MARCHF11: variants seen among roughly 807,000 people sequenced by gnomAD.
MARCHF11 encodes membrane associated ring-CH-type finger 11, also known as E3 ubiquitin-protein ligase MARCHF11.
MARCHF11 carries 29 observed loss-of-function variants against 37.3 expected under a neutral mutation model. The observed-to-expected ratio is 0.78, with a 90% CI of 0.58 to 1.06. The LOEUF is 1.06. Among genes scored for constraint, MARCHF11 ranks in the 50% least tolerant of loss-of-function variants. MARCHF11 has a pLI of 0.00. For synonymous variants in MARCHF11, 233 were observed against 228.0 expected, an observed-to-expected ratio of 1.02 and a Z score of -0.20; for missense variants, 482 against 533.4, an observed-to-expected ratio of 0.90 and a Z score of 0.95.
chr5:16,104,629 G>A (rs1335295733), intron 2 of MARCHF11, among the ~76,000 whole-genome samples: 1 of 151,340 alleles, frequency 6.6e-6, no homozygotes, highest in East Asian at 1.9e-4. Context: ...AGTAAATCTA[G>A]CTCCTGGCAT....
At chr5:16,079,133 T>C (rs1736566275) in intron 3 of MARCHF11, among the ~76,000 whole-genome samples, 1 of 152,172 alleles carries the variant, frequency 6.6e-6, no homozygotes, top group Non-Finnish European at 1.5e-5. Flanking sequence ...TGTGGATGGC[T>C]TGGCCTAACA....
At chr5:16,111,169 T>A (rs1004154891) in intron 2 of MARCHF11, among the ~76,000 whole-genome samples, 1 of 151,836 alleles carries the variant, frequency 6.6e-6, no homozygotes, top group African/African-American at 2.4e-5. Flanking sequence ...ACTGGTAGAG[T>A]GGGGTGCTGC....
chr5:16,148,802 G>A (rs1418232828), intron 2 of MARCHF11, among the ~76,000 whole-genome samples: 1 of 152,130 alleles, frequency 6.6e-6, no homozygotes, highest in East Asian at 1.9e-4. Context: ...GAGACTAACA[G>A]AAAGAGAAAG....
intron 2 of MARCHF11, among the ~76,000 whole-genome samples, chr5:16,091,965 C>T (rs150068611): frequency 2.8e-4 from 42 of 152,276 alleles, no homozygotes; most frequent in East Asian, 2.3e-3. Flanking sequence ...TCAAAACAAC[C>T]CGCATAATTT....
intron 3 of MARCHF11, among the ~76,000 whole-genome samples, chr5:16,071,157 T>C (rs1029738270): frequency 1.3e-5 from 2 of 152,222 alleles, no homozygotes; most frequent in Non-Finnish European, 2.9e-5. Flanking sequence ...TCAGTTCATA[T>C]GCGAACAGGC....
chr5:16,107,644 C>T (rs554151695), intron 2 of MARCHF11, among the ~76,000 whole-genome samples: 4 of 152,192 alleles, frequency 2.6e-5, no homozygotes, highest in Non-Finnish European at 4.4e-5. Flanking sequence ...TAAGTGACAA[C>T]AGGCATTCTT....
chr5:16,070,587 A>G (rs1736418869), intron 3 of MARCHF11, among the ~76,000 whole-genome samples: 1 of 152,214 alleles, frequency 6.6e-6, no homozygotes, highest in Non-Finnish European at 1.5e-5. Flanking sequence ...TTGCAAGGCC[A>G]GAAATCAGAT....
intron 3 of MARCHF11, among the ~76,000 whole-genome samples, chr5:16,083,097 T>A (rs952057331): frequency 6.6e-6 from 1 of 152,350 alleles, no homozygotes; most frequent in Non-Finnish European, 1.5e-5. Flanking sequence ...AGTCTTTTGA[T>A]GAAAATTGAT....
chr5:16,112,464 G>T (rs1202023708), intron 2 of MARCHF11, among the ~76,000 whole-genome samples: 3 of 152,150 alleles, frequency 2.0e-5, no homozygotes, highest in South Asian at 2.1e-4. Flanking sequence ...GGGGTCTGTA[G>T]CCCCTTTGTT....
intron 2 of MARCHF11, chr5:16,141,697 TTTAAAATCCA>T (rs1248106912): frequency 6.6e-6 from 1 of 152,216 alleles, no homozygotes; most frequent in Non-Finnish European, 1.5e-5. Flanking sequence ...AATTGTTGTT[TTTAAAATCCA>T]ATAAAATCTA....
chr5:16,096,867 G>A (rs1177449451), intron 2 of MARCHF11, among the ~76,000 whole-genome samples: 1 of 152,150 alleles, frequency 6.6e-6, no homozygotes, highest in East Asian at 1.9e-4. Context: ...CTCAATTTAG[G>A]AACCAATTTC....
intron 2 of MARCHF11, among the ~76,000 whole-genome samples, chr5:16,134,998 TCACA>T (rs1553996992): frequency 4.6e-4 from 66 of 143,788 alleles, no homozygotes; most frequent in Non-Finnish European, 5.2e-4. Context: ...TCTCTCTCTC[TCACA>T]CACACACACA....
chr5:16,175,448 G>A (rs1010016894), intron 2 of MARCHF11, among the ~76,000 whole-genome samples: 4 of 152,110 alleles, frequency 2.6e-5, no homozygotes, highest in African/African-American at 7.2e-5. Flanking sequence ...CCAACAGGGC[G>A]GCTAAGACAG....
At chr5:16,168,337 T>C (rs188299299) in intron 2 of MARCHF11, among the ~76,000 whole-genome samples, 1 of 152,198 alleles carries the variant, frequency 6.6e-6, no homozygotes, top group African/African-American at 2.4e-5. Flanking sequence ...TTTCACCCCA[T>C]AGCTTAGGAA....
At chr5:16,163,737 C>T (rs983598275) in intron 2 of MARCHF11, among the ~76,000 whole-genome samples, 3 of 151,870 alleles carry the variant, frequency 2.0e-5, no homozygotes, top group Non-Finnish European at 4.4e-5. Context: ...TGATGATGTC[C>T]CCTCTAAAAT....
At chr5:16,178,465 G>T (rs553450818) in intron 1 of MARCHF11, among the ~76,000 whole-genome samples, 1 of 152,238 alleles carries the variant, frequency 6.6e-6, no homozygotes, top group South Asian at 2.1e-4. Flanking sequence ...CACCTACAAT[G>T]GTGTTTATAA....
intron 2 of MARCHF11, among the ~76,000 whole-genome samples, chr5:16,114,833 T>C (rs1327572541): frequency 6.6e-6 from 1 of 152,030 alleles, no homozygotes; most frequent in Non-Finnish European, 1.5e-5. Context: ...CTACCATAAT[T>C]ATTAATATAG....
intron 2 of MARCHF11, among the ~76,000 whole-genome samples, chr5:16,116,925 A>G (rs968974953): frequency 6.6e-6 from 1 of 152,234 alleles, no homozygotes; most frequent in African/African-American, 2.4e-5. Flanking sequence ...ACTCAAAGAG[A>G]AGAGTAAACG....
intron 2 of MARCHF11, among the ~76,000 whole-genome samples, chr5:16,103,190 TG>T (rs1185819445): frequency 1.3e-5 from 2 of 151,560 alleles, no homozygotes; most frequent in Non-Finnish European, 2.9e-5. Flanking sequence ...AAAGTGAATA[TG>T]GTGCTTGACG....
Sources: gnomAD v4.1 joint callset for allele counts (sites outside exome capture counted in the v4.1 genomes callset) on GRCh38, gnomAD v4.1.1 for gene constraint, MANE v1.5 for transcripts, NCBI Gene and HGNC (gene_info 2026-07-23, HGNC 2026-07-21) for gene names.